The following GPR83 variants were observed in gnomAD, a reference collection of about 807,000 sequenced individuals.
GPR83 encodes G protein-coupled receptor 83.
A neutral mutation model predicts 28.0 loss-of-function variants in GPR83; 23 were observed. That is an observed-to-expected ratio of 0.82 (90% CI 0.59 to 1.16). The LOEUF (loss-of-function observed/expected upper bound fraction) is 1.16. GPR83 is among the 50% of genes most tolerant of loss of function. The pLI is 0.00. For missense variants in GPR83, 610 were observed against 536.6 expected (o/e 1.14, Z -1.35); for synonymous variants, 234 against 215.4 (o/e 1.09, Z -0.76).
chr11:94,394,372 CA>C (rs1457381968), intron 2 of GPR83, among the ~76,000 whole-genome samples: 2 of 152,200 alleles, frequency 1.3e-5, no homozygotes, highest in Non-Finnish European at 2.9e-5. Flanking sequence ...CACACACCTA[CA>C]ATAAAGTCAG....
In GPR83 at chr11:94,393,626, A is replaced by C; in HGVS notation, c.514-8T>G. The C allele has an allele frequency of 6.2e-7, 1 of 1,613,762 alleles. No homozygotes were observed. Among genetic ancestry groups the C allele is most frequent in the Non-Finnish European group, 8.5e-7 (1 of 1,179,872 alleles). ...CAAGGGGTGCATGATGACCTGGAAAACAAGCAAACCACATCACTAACTGAA... is the reference window on the plus strand; with the variant it reads ...CAAGGGGTGCATGATGACCTGGAAACCAAGCAAACCACATCACTAACTGAA... On this transcript the variant is annotated splice_polypyrimidine_tract_variant and splice_region_variant and intron_variant, in intron 2 of 3. Transcript: ENST00000243673.
chr11:94,382,655 C>T (rs996862838), intron 3 of GPR83, among the ~76,000 whole-genome samples: 3 of 152,148 alleles, frequency 2.0e-5, no homozygotes, highest in Non-Finnish European at 4.4e-5. Flanking sequence ...ATATTCAGCA[C>T]TTGAACTCAG....
At chr11:94,398,904 G>A (rs1019395225) in intron 1 of GPR83, among the ~76,000 whole-genome samples, 1 of 152,176 alleles carries the variant, frequency 6.6e-6, no homozygotes, top group Non-Finnish European at 1.5e-5. Flanking sequence ...TCAGGTTCAA[G>A]GCTAAGCTGC....
intron 2 of GPR83, among the ~76,000 whole-genome samples, chr11:94,395,724 AC>A (rs998578368): frequency 6.6e-6 from 1 of 152,098 alleles, no homozygotes; most frequent in African/African-American, 2.4e-5. Context: ...CATCTTCCTG[AC>A]CCAGGGCCAC....
intron 1 of GPR83, among the ~76,000 whole-genome samples, chr11:94,397,399 A>G (rs2134696950): frequency 6.6e-6 from 1 of 152,350 alleles, no homozygotes; most frequent in Admixed American, 6.5e-5. Flanking sequence ...GACAGAAAGT[A>G]ATCAGTGCTC....
intron 3 of GPR83, among the ~76,000 whole-genome samples, chr11:94,383,398 T>A (rs780038562): frequency 6.6e-5 from 10 of 152,006 alleles, no homozygotes; most frequent in Non-Finnish European, 1.3e-4. Context: ...GATCTAAAAT[T>A]GACACCTTAA....
chr11:94,401,160 C>T lies in GPR83; in HGVS notation c.88G>A (p.Glu30Lys). 1 of 1,614,128 alleles carries T rather than the reference C, an allele frequency of 6.2e-7. No homozygotes were observed. The highest frequency in any genetic ancestry group is 8.5e-7 in the Non-Finnish European group (1 of 1,180,006). Residue 30 changes from glutamate to lysine, a missense_variant, in exon 1 of 4, where the codon GAG becomes AAG. Coordinates refer to ENST00000243673, the MANE Select transcript of GPR83 (RefSeq NM_016540.4). ...HEGRADEQSA[E>K]AALAVPNASH... ...GCATTGGGCACGGCCAGGGCCGCCT[C>T]CGCGCTCTGCTCGTCGGCCCGGCCC...
intron 1 of GPR83, among the ~76,000 whole-genome samples, chr11:94,399,312 C>T (rs982577700): frequency 1.3e-5 from 2 of 152,174 alleles, no homozygotes; most frequent in Admixed American, 6.5e-5. Flanking sequence ...GCCATCAATA[C>T]GTTAGACGTA....
rs1270186735 is a variant in GPR83, at chr11:94,377,690, T to G, written c.*2459A>C. The G allele has an allele frequency of 1.3e-5, 2 of 152,232 alleles. No homozygotes were observed. Among genetic ancestry groups the G allele is most frequent in the Non-Finnish European group, 2.9e-5 (2 of 68,046 alleles). 9.4% of individuals were successfully genotyped at this position (152,232 alleles called of 1,614,324 possible). On this transcript the variant is annotated 3_prime_UTR_variant, in exon 4 of 4. Transcript: ENST00000243673. ...AGTATTCAATAAATTACATGAGATA[T>G]TCCATACTTCATTAGAAGATAGGCT...
rs750729331 is a variant in GPR83 at position 94,378,316 on chromosome 11, C to G, written c.*1833G>C. 2.6e-5 allele frequency: 4 copies of G among 152,200 alleles called. No individual in the cohort carries two copies. The highest frequency in any genetic ancestry group is 5.9e-5 in the Non-Finnish European group (4 of 68,042). The allele number at this position is 152,200 out of a possible 1,614,324, so 9.4% of individuals were successfully genotyped here. ...AGCCAAGAGGTCTAAGTGACAAACTCTTTCTCCCTCAAACCTTAGTTTCCT... is the reference window on the plus strand; with the variant it reads ...AGCCAAGAGGTCTAAGTGACAAACTGTTTCTCCCTCAAACCTTAGTTTCCT... On this transcript the variant is annotated 3_prime_UTR_variant, in exon 4 of 4. Transcript: ENST00000243673.
In GPR83 at chr11:94,379,534, T is replaced by C. The variant is rs1944661924; in HGVS notation, c.*615A>G. Reference sequence around the variant, plus strand: ...TGTGTGTGTATGTGAGTGTGTGCTTTTCTGAATTTTTCTAAGTGGCAATAA... The same window carrying C: ...TGTGTGTGTATGTGAGTGTGTGCTTCTCTGAATTTTTCTAAGTGGCAATAA... On this transcript the variant is annotated 3_prime_UTR_variant, in exon 4 of 4. Coordinates refer to ENST00000243673, the MANE Select transcript of GPR83 (RefSeq NM_016540.4). The C allele has an allele frequency of 6.6e-6, 1 of 152,162 alleles. No individual in the cohort carries two copies. Among genetic ancestry groups the C allele is most frequent in the Non-Finnish European group, 1.5e-5 (1 of 68,048 alleles). The allele number at this position is 152,162 out of a possible 1,614,324, so 9.4% of individuals were successfully genotyped here. A position where few individuals can be genotyped will look rare whatever the true frequency, so the allele number is the denominator to read the frequency against.
At chr11:94,387,553 T>C (rs1362364615) in intron 3 of GPR83, among the ~76,000 whole-genome samples, 1 of 152,160 alleles carries the variant, frequency 6.6e-6, no homozygotes, top group Non-Finnish European at 1.5e-5. Flanking sequence ...TAAACACCTC[T>C]ATGCAAATAA....
At chr11:94,390,269 T>G (rs1944804310) in intron 3 of GPR83, among the ~76,000 whole-genome samples, 1 of 151,064 alleles carries the variant, frequency 6.6e-6, no homozygotes, top group Non-Finnish European at 1.5e-5. Flanking sequence ...TGTATACACA[T>G]GTAACAAACC....
chr11:94,391,824 TTG>T (rs1944820180), intron 3 of GPR83, among the ~76,000 whole-genome samples: 1 of 152,106 alleles, frequency 6.6e-6, no homozygotes, highest in Non-Finnish European at 1.5e-5. Context: ...CAGGAAACAA[TTG>T]ATGCTGGAGA....
chr11:94,395,592 G>GT (rs1160889070), intron 2 of GPR83, among the ~76,000 whole-genome samples: 6 of 152,186 alleles, frequency 3.9e-5, no homozygotes, highest in African/African-American at 1.4e-4. Context: ...AGCGTACAAC[G>GT]TGAGTTCATT....
chr11:94,400,587 G>C (rs1944902478), intron 1 of GPR83, among the ~76,000 whole-genome samples: 1 of 150,146 alleles, frequency 6.7e-6, no homozygotes. Context: ...AGATAGAGAA[G>C]AGAGACAGAA....
rs553494946 is a variant in GPR83 at position 94,401,002 on chromosome 11, A to G, written c.246T>C (p.Ile82=). Residue 82 remains isoleucine (I), a synonymous_variant, in exon 1 of 4, where the codon ATT becomes ATC. Coordinates refer to ENST00000243673, the MANE Select transcript of GPR83 (RefSeq NM_016540.4). ...GGACGTTGCCAAAGAGTGAGAAGACAATGATGAAGGAGTAAGCCACAATGA... is the reference window on the plus strand; with the variant it reads ...GGACGTTGCCAAAGAGTGAGAAGACGATGATGAAGGAGTAAGCCACAATGA... The part of the protein sequence containing the change: ...ALLIVAYSFI[I]VFSLFGNVLV... 1 of 1,614,056 alleles carries G rather than the reference A, an allele frequency of 6.2e-7. No individual in the cohort carries two copies. Among genetic ancestry groups the G allele is most frequent in the African/African-American group, 1.3e-5 (1 of 74,936 alleles).
At chr11:94,388,380 AT>A (rs1944781023) in intron 3 of GPR83, among the ~76,000 whole-genome samples, 1 of 152,174 alleles carries the variant, frequency 6.6e-6, no homozygotes. Context: ...AGGAAGTCAA[AT>A]TGTCCCTGTT....
intron 3 of GPR83, among the ~76,000 whole-genome samples, chr11:94,389,343 G>GT: frequency 6.6e-6 from 1 of 152,174 alleles, no homozygotes; most frequent in Admixed American, 6.5e-5. Context: ...TTAAACTAAA[G>GT]AGCTTCTGCA....
Sources: gnomAD v4.1 joint callset for allele counts (sites outside exome capture counted in the v4.1 genomes callset) on GRCh38, gnomAD v4.1.1 for gene constraint, MANE v1.5 for transcripts, NCBI Gene and HGNC (gene_info 2026-07-23, HGNC 2026-07-21) for gene names.